Variants in TRMT9B observed in about 807,000 individuals in gnomAD.
TRMT9B encodes tRNA methyltransferase 9B (putative).
In TRMT9B, 16 loss-of-function variants were observed where a neutral mutation model predicts 11.5. The ratio of observed to expected loss-of-function variants is 1.39; its 90% CI spans 0.94 to 2.11. TRMT9B has a LOEUF of 2.11. Ranked by LOEUF, TRMT9B falls within the 30% of genes most tolerant of loss-of-function variation. The probability of loss-of-function intolerance (pLI) is 0.00; values close to 1 mark genes in which losing one functional copy is unlikely to be tolerated. For synonymous variants in TRMT9B, 274 were observed against 192.4 expected (o/e 1.42, Z -3.51); for missense variants, 941 against 553.8 (o/e 1.70, Z -7.02).
At chr8:12,981,097 A>G (rs1169204058) in intron 1 of TRMT9B, among the ~76,000 whole-genome samples, 2 of 152,030 alleles carry the variant, frequency 1.3e-5, no homozygotes, top group African/African-American at 2.4e-5. Flanking sequence ...TTCTTTGATC[A>G]CTGCAAGAGT....
chr8:12,961,268 T>A (rs1802062718), intron 1 of TRMT9B, among the ~76,000 whole-genome samples: 1 of 152,190 alleles, frequency 6.6e-6, no homozygotes, highest in African/African-American at 2.4e-5. Flanking sequence ...CCTACGAATG[T>A]TAGTTAATAA....
chr8:13,020,418 T>C (rs1164756691), intron 4 of TRMT9B, among the ~76,000 whole-genome samples: 4 of 152,188 alleles, frequency 2.6e-5, no homozygotes, highest in African/African-American at 9.6e-5. Flanking sequence ...AATGATGATG[T>C]ATACATTGAT....
At chr8:12,976,145 A>T (rs1355757400) in intron 1 of TRMT9B, among the ~76,000 whole-genome samples, 2 of 152,228 alleles carry the variant, frequency 1.3e-5, no homozygotes, top group African/African-American at 4.8e-5. Flanking sequence ...CAGTCGGACC[A>T]GGACCCAGTG....
intron 2 of TRMT9B, among the ~76,000 whole-genome samples, chr8:12,991,370 A>G (rs1017390238): frequency 6.6e-6 from 1 of 152,224 alleles, no homozygotes; most frequent in African/African-American, 2.4e-5. Flanking sequence ...GTGAAGTTGC[A>G]TGTATTAAAA....
intron 2 of TRMT9B, among the ~76,000 whole-genome samples, chr8:12,991,232 G>T (rs1431173574): frequency 6.6e-6 from 1 of 152,182 alleles, no homozygotes; most frequent in Non-Finnish European, 1.5e-5. Flanking sequence ...AAAATTATAA[G>T]AACATATTTA....
At position 12,977,347 on chromosome 8, in the gene TRMT9B, G is replaced by A. The variant is rs118111649; in HGVS notation, c.-199-13487G>A. Among the ~76,000 whole-genome samples the A allele has an allele frequency of 2.0e-3, 309 of 152,272 alleles. 1 individual carries two copies. Among genetic ancestry groups the A allele is most frequent in the East Asian group, 4.1e-3 (21 of 5,160 alleles). On this transcript the variant is annotated intron_variant, in intron 1 of 4. Transcript: ENST00000524591. The stretch of plus-strand genomic sequence containing the variant: ...AACCGTCAACCTGTTCACGACCCCA[G>A]TGGAGCAAGCCCTAGAGTGTCAAGC...
Position 12,985,661 on chromosome 8 carries a change from A to G in TRMT9B, c.-199-5173A>G, listed in dbSNP as rs549708246. ...CTGTAGCCTAGTAGGTGCTTAGTCA[A>G]CATTTCTCAAATTAAATTTAGTTAT... On this transcript the variant is annotated intron_variant, in intron 1 of 4. Coordinates refer to ENST00000524591, the MANE Select transcript of TRMT9B (RefSeq NM_020844.3). 1.2e-4 allele frequency among the ~76,000 whole-genome samples: 19 copies of G among 152,250 alleles called. 1 individual carries two copies. In the South Asian group the frequency reaches 3.9e-3, roughly 32 times the overall value.
At chr8:12,975,782 C>T (rs1424820472) in intron 1 of TRMT9B, among the ~76,000 whole-genome samples, 2 of 152,002 alleles carry the variant, frequency 1.3e-5, no homozygotes, top group African/African-American at 4.8e-5. Context: ...ATTGATGCTT[C>T]TAGCTATTTG....
At chr8:12,973,474 C>A (rs1025761649) in intron 1 of TRMT9B, among the ~76,000 whole-genome samples, 15 of 152,194 alleles carry the variant, frequency 9.9e-5, no homozygotes, top group Admixed American at 9.8e-4. Context: ...CTGGTAGAAG[C>A]AATCTATGGC....
At chr8:12,961,819 G>A (rs1802154598) in intron 1 of TRMT9B, 1 of 152,076 alleles carries the variant, frequency 6.6e-6, no homozygotes, top group African/African-American at 2.4e-5. Flanking sequence ...GAGCAGCTCT[G>A]TTGCCTTAAT....
intron 1 of TRMT9B, among the ~76,000 whole-genome samples, chr8:12,988,748 A>T (rs1806780652): frequency 6.6e-6 from 1 of 152,164 alleles, no homozygotes; most frequent in Non-Finnish European, 1.5e-5. Context: ...TGGGAACTAC[A>T]ATTCAAGATG....
Position 13,027,767 on chromosome 8 carries a change from C to T in TRMT9B, c.*5723C>T, listed in dbSNP as rs1814862739. On this transcript the variant is annotated 3_prime_UTR_variant, in exon 5 of 5. Transcript: ENST00000524591. ...ATATGAGGTAAGCGTTATTATACAC[C>T]CGTCCAGCAGATGGGAAAACCACGG... The T allele has an allele frequency of 6.0e-6, 1 of 166,118 alleles. No individual in the cohort carries two copies. 10.3% of individuals were successfully genotyped at this position (166,118 alleles called of 1,614,324 possible).
rs1161342829 is a variant in TRMT9B at position 13,028,670 on chromosome 8, G to A, written c.*6626G>A. ...AGCTCATTGCAACCTCTGCCTCCCA[G>A]GTTTAAGCAATTCTCGTGCCTCAGC... On this transcript the variant is annotated 3_prime_UTR_variant, in exon 5 of 5. Coordinates refer to ENST00000524591, the MANE Select transcript of TRMT9B (RefSeq NM_020844.3). 6.7e-6 allele frequency: 1 copy of A among 149,702 alleles called. No homozygotes were observed. Among genetic ancestry groups the A allele is most frequent in the African/African-American group, 2.5e-5 (1 of 40,146 alleles). The allele number at this position is 149,702 out of a possible 1,614,324, so 9.3% of individuals were successfully genotyped here. A position where few individuals can be genotyped will look rare whatever the true frequency, so the allele number is the denominator to read the frequency against.
chr8:13,018,574 C>T (rs10108596), intron 4 of TRMT9B, among the ~76,000 whole-genome samples: 47,401 of 151,864 alleles, frequency 0.31, 8,867 homozygotes, highest in Middle Eastern at 0.53. Flanking sequence ...CTACAGTAGT[C>T]ATGTTCTATA....
chr8:12,961,018 G>T (rs181999145), intron 1 of TRMT9B, among the ~76,000 whole-genome samples: 1 of 152,116 alleles, frequency 6.6e-6, no homozygotes, highest in Admixed American at 6.5e-5. Flanking sequence ...GTGCGTGCCT[G>T]TAGTCCCAGC....
At chr8:12,967,145 A>G (rs1480723961) in intron 1 of TRMT9B, among the ~76,000 whole-genome samples, 1 of 152,172 alleles carries the variant, frequency 6.6e-6, no homozygotes, top group Non-Finnish European at 1.5e-5. Flanking sequence ...TATCTTTAGG[A>G]TCCTGGGTAA....
chr8:12,969,837 A>T (rs1223271970), intron 1 of TRMT9B, among the ~76,000 whole-genome samples: 1 of 149,508 alleles, frequency 6.7e-6, no homozygotes, highest in Non-Finnish European at 1.5e-5. Context: ...ACACCCAGCT[A>T]ATGTTTTAAT....
intron 1 of TRMT9B, among the ~76,000 whole-genome samples, chr8:12,974,328 G>T (rs1454848665): frequency 1.3e-5 from 2 of 152,242 alleles, no homozygotes; most frequent in Middle Eastern, 6.8e-3. Context: ...CTTGATAGCA[G>T]CAGGTCCAAG....
intron 4 of TRMT9B, among the ~76,000 whole-genome samples, chr8:13,014,354 G>T (rs1284574179): frequency 2.0e-5 from 3 of 152,168 alleles, no homozygotes; most frequent in Non-Finnish European, 4.4e-5. Flanking sequence ...CTGGAGGCTG[G>T]ACATCTGAGA....
Sources: allele counts gnomAD v4.1 joint callset (sites outside exome capture counted in the v4.1 genomes callset), GRCh38; gene constraint gnomAD v4.1.1; transcripts MANE v1.5; gene names NCBI Gene and HGNC (gene_info 2026-07-23, HGNC 2026-07-21).